ALOX5AP: variants seen among roughly 807,000 people sequenced by gnomAD.
The protein encoded by ALOX5AP is arachidonate 5-lipoxygenase-activating protein.
In ALOX5AP, 9 loss-of-function variants were observed where a neutral mutation model predicts 18.5. That is an observed-to-expected ratio of 0.49 (90% confidence interval 0.29 to 0.85). The LOEUF is 0.85. Ranked by LOEUF, ALOX5AP falls within the 40% of genes least tolerant of loss-of-function variation. ALOX5AP has a pLI of 0.08. For synonymous variants in ALOX5AP, 81 were observed against 78.6 expected (o/e 1.03, Z -0.16); for missense variants, 172 against 202.5 (o/e 0.85, Z 0.91).
At chr13:30,763,886 G>T in intron 4 of ALOX5AP, 58 bp from the exon 5 acceptor site, 1 of 1,508,576 alleles carries the variant, frequency 6.6e-7, no homozygotes, top group Admixed American at 1.9e-5. Flanking sequence ...ATTTTTGTGT[G>T]TGTGAAATTG....
At chr13:30,741,337 A>T (rs1375290055) in intron 1 of ALOX5AP, among the ~76,000 whole-genome samples, 5 of 148,994 alleles carry the variant, frequency 3.4e-5, no homozygotes, top group African/African-American at 5.0e-5. Flanking sequence ...GTCTCGACAC[A>T]TCCTCCATAT....
At chr13:30,728,308 A>C (rs1951654506) in intron 1 of ALOX5AP, among the ~76,000 whole-genome samples, 1 of 152,186 alleles carries the variant, frequency 6.6e-6, no homozygotes, top group Non-Finnish European at 1.5e-5. Context: ...CCAAAACTGT[A>C]AAACAATACA....
upstream of ALOX5AP, among the ~76,000 whole-genome samples, chr13:30,731,734 T>C (rs1046614492): frequency 4.6e-5 from 7 of 152,184 alleles, no homozygotes; most frequent in Non-Finnish European, 7.3e-5. Flanking sequence ...GGGGGGTAAT[T>C]TGTCCCTCAG....
At chr13:30,717,016 T>C (rs1951555789) in intron 1 of ALOX5AP, among the ~76,000 whole-genome samples, 2 of 152,160 alleles carry the variant, frequency 1.3e-5, no homozygotes, top group Admixed American at 6.5e-5. Context: ...CCAGGGTCTT[T>C]ACTGTGGCTC....
upstream of ALOX5AP, among the ~76,000 whole-genome samples, chr13:30,734,713 T>A (rs1270609489): frequency 6.6e-6 from 1 of 152,262 alleles, no homozygotes; most frequent in Non-Finnish European, 1.5e-5. Context: ...GAATTTCCCT[T>A]AGGGATCATC....
chr13:30,713,844 GTGTGTGTGTGTGCGCGCACACGCGCA>G, intron 1 of ALOX5AP: 1 of 660,408 alleles, frequency 1.5e-6, no homozygotes, highest in Non-Finnish European at 2.3e-6. Flanking sequence ...CAGTGCTGGT[GTGTGTGTGTGTGCGCGCACACGCGCA>G]TGTGTGTGCA....
intron 1 of ALOX5AP, among the ~76,000 whole-genome samples, chr13:30,736,578 G>A (rs17239067): frequency 0.028 from 4,201 of 152,286 alleles, 195 homozygotes; most frequent in African/African-American, 0.096. Context: ...ATGCTGTCAC[G>A]TTTTTGGAAC....
rs751043129 is a variant in ALOX5AP, at chr13:30,744,092, A to C, written c.103A>C (p.Arg35=). 1 of 1,614,180 alleles carries C rather than the reference A, an allele frequency of 6.2e-7. No individual in the cohort carries two copies. Among genetic ancestry groups the C allele is most frequent in the Admixed American group, 1.7e-5 (1 of 60,032 alleles). ...FFAHKVEHES[R]TQNGRSFQRT... ...TGCCCATAAAGTGGAGCACGAAAGC[A>C]GGACCCAGAATGGGAGGAGCTTCCA... is the stretch of plus-strand genomic sequence containing the variant. The change falls in exon 2 of 5, where the codon AGG becomes CGG. Residue 35 remains arginine (R), a synonymous_variant. Transcript: ENST00000380490.
chr13:30,718,171 C>T (rs1012246726), intron 1 of ALOX5AP, among the ~76,000 whole-genome samples: 7 of 151,658 alleles, frequency 4.6e-5, no homozygotes, highest in Admixed American at 2.0e-4. Context: ...GTTGGTCAGG[C>T]TGGTCTCAAA....
intron 1 of ALOX5AP, among the ~76,000 whole-genome samples, chr13:30,724,075 T>A (rs1951617038): frequency 6.6e-6 from 1 of 152,160 alleles, no homozygotes; most frequent in African/African-American, 2.4e-5. Context: ...AAAGTTCCCG[T>A]GTCCCTCTCC....
intron 4 of ALOX5AP, among the ~76,000 whole-genome samples, chr13:30,761,693 G>A (rs1019281165): frequency 6.6e-6 from 1 of 152,122 alleles, no homozygotes; most frequent in Non-Finnish European, 1.5e-5. Flanking sequence ...GGCAGGGTCG[G>A]TTTCTCCTGC....
At chr13:30,751,237 T>C (rs1043759771) in intron 2 of ALOX5AP, among the ~76,000 whole-genome samples, 10 of 152,202 alleles carry the variant, frequency 6.6e-5, no homozygotes, top group Middle Eastern at 3.4e-3. Context: ...CTATTTTTTG[T>C]GTTTTTAGTA....
At chr13:30,740,174 A>G (rs1951751647) in intron 1 of ALOX5AP, among the ~76,000 whole-genome samples, 1 of 152,234 alleles carries the variant, frequency 6.6e-6, no homozygotes, top group Non-Finnish European at 1.5e-5. Flanking sequence ...AGATCCGGGC[A>G]TCGACTCTGT....
chr13:30,744,390 G>A (rs1951791972), intron 2 of ALOX5AP: 1 of 463,336 alleles, frequency 2.2e-6, no homozygotes, highest in African/African-American at 2.0e-5. Context: ...CATTGGTGGA[G>A]GGAGGTGTGA....
intron 1 of ALOX5AP, among the ~76,000 whole-genome samples, chr13:30,727,270 C>G (rs1480282932): frequency 2.0e-5 from 3 of 152,116 alleles, no homozygotes; most frequent in Non-Finnish European, 2.9e-5. Flanking sequence ...TCTTGAACTC[C>G]TGGCCTCAAG....
chr13:30,718,067 C>A (rs1951563466), intron 1 of ALOX5AP, among the ~76,000 whole-genome samples: 2 of 151,616 alleles, frequency 1.3e-5, no homozygotes, highest in African/African-American at 4.8e-5. Context: ...TTAAGCGATT[C>A]TCCTGCCTCA....
Position 30,763,973 on chromosome 13 carries a change from T to G in ALOX5AP, c.353T>G (p.Ile118Ser). ...CCTGGCTACATATTTGGGAAACGCATCATACTCTTCCTGTTCCTCATGTCC... is the reference window on the plus strand; with the variant it reads ...CCTGGCTACATATTTGGGAAACGCAGCATACTCTTCCTGTTCCTCATGTCC... ...STPGYIFGKR[I>S]ILFLFLMSVA... Residue 118 changes from isoleucine (I) to serine (S), a missense_variant, in exon 5 of 5, where the codon ATC (isoleucine) becomes AGC (serine). By Grantham distance (142) the Ile-to-Ser change is moderately radical. Transcript: ENST00000380490. The G allele has an allele frequency of 3.7e-6, 6 of 1,614,160 alleles. No homozygotes were observed. Among genetic ancestry groups the G allele is most frequent in the Middle Eastern group, 3.3e-4 (2 of 6,062 alleles).
At chr13:30,722,945 G>A (rs1011477110) in intron 1 of ALOX5AP, among the ~76,000 whole-genome samples, 2 of 152,188 alleles carry the variant, frequency 1.3e-5, no homozygotes, top group African/African-American at 4.8e-5. Flanking sequence ...ACCAGAAGCA[G>A]ATGTTGGTTC....
intron 2 of ALOX5AP, among the ~76,000 whole-genome samples, chr13:30,744,850 T>C (rs1951796816): frequency 6.6e-6 from 1 of 152,210 alleles, no homozygotes; most frequent in Admixed American, 6.5e-5. Flanking sequence ...GTGGCAGGCA[T>C]GCTGGGGACT....
Sources: gnomAD v4.1 joint callset for allele counts (sites outside exome capture counted in the v4.1 genomes callset) on GRCh38, gnomAD v4.1.1 for gene constraint, MANE v1.5 for transcripts, NCBI Gene and HGNC (gene_info 2026-07-23, HGNC 2026-07-21) for gene names.